TTC28: variants seen among roughly 807,000 people sequenced by gnomAD.
TTC28 encodes the protein tetratricopeptide repeat protein 28.
Under a neutral mutation model 198.0 loss-of-function variants are expected in TTC28, and 61 were observed. The ratio of observed to expected loss-of-function variants is 0.31; its 90% CI spans 0.25 to 0.38. TTC28 has a LOEUF of 0.38. Ranked by LOEUF, TTC28 falls within the 10% of genes least tolerant of loss-of-function variation. The probability of loss-of-function intolerance (pLI) is 1.00; values close to 1 mark genes in which losing one functional copy is unlikely to be tolerated. For synonymous variants in TTC28, 1,171 were observed against 1,297.8 expected (o/e 0.90, Z 2.10); for missense variants, 2,678 against 3,164.0 (o/e 0.85, Z 3.69).
chr22:28,603,433 G>GC (rs2050675846), intron 2 of TTC28, among the ~76,000 whole-genome samples: 1 of 151,560 alleles, frequency 6.6e-6, no homozygotes, highest in Admixed American at 6.6e-5. Context: ...TGTAGCCCAA[G>GC]CCAGAGTGCA....
At chr22:28,568,131 T>C (rs2050008837) in intron 2 of TTC28, among the ~76,000 whole-genome samples, 1 of 152,170 alleles carries the variant, frequency 6.6e-6, no homozygotes. Context: ...GTAATACTAA[T>C]ATAAACAATT....
intron 5 of TTC28, among the ~76,000 whole-genome samples, chr22:28,206,798 A>G (rs183195649): frequency 1.2e-4 from 19 of 152,300 alleles, no homozygotes; most frequent in Admixed American, 1.2e-3. Flanking sequence ...TCTAGCTGCC[A>G]TCCTCATTAG....
chr22:28,557,646 CT>C (rs2049806841), intron 2 of TTC28, among the ~76,000 whole-genome samples: 1 of 152,052 alleles, frequency 6.6e-6, no homozygotes, highest in Non-Finnish European at 1.5e-5. Context: ...ATCTTAAGTT[CT>C]TGGGGTCTGT....
chr22:28,527,913 G>A (rs528582965), intron 2 of TTC28, among the ~76,000 whole-genome samples: 101 of 152,126 alleles, frequency 6.6e-4, no homozygotes, highest in Non-Finnish European at 1.3e-3. Context: ...GGCATGAGCC[G>A]CCACCACCAT....
intron 1 of TTC28, among the ~76,000 whole-genome samples, chr22:28,633,480 A>C (rs781675900): frequency 2.9e-4 from 44 of 152,072 alleles, no homozygotes; most frequent in Middle Eastern, 6.8e-3. Context: ...AAGACAAAAA[A>C]TAGCTGAGTG....
intron 1 of TTC28, among the ~76,000 whole-genome samples, chr22:28,644,732 A>C (rs1007866989): frequency 8.6e-5 from 13 of 151,866 alleles, no homozygotes; most frequent in African/African-American, 3.1e-4. Context: ...CTGAGGTGGG[A>C]GGATTGCCTG....
chr22:28,078,160 A>G (rs1941227002), intron 12 of TTC28, among the ~76,000 whole-genome samples: 1 of 152,222 alleles, frequency 6.6e-6, no homozygotes, highest in Non-Finnish European at 1.5e-5. Flanking sequence ...CCATTTTCAG[A>G]AACTCCTTTG....
At chr22:28,028,990 G>C in intron 13 of TTC28, 1 of 471,130 alleles carries the variant, frequency 2.1e-6, no homozygotes, top group South Asian at 1.5e-5. Flanking sequence ...TCACACTCTA[G>C]TTTATCACCA....
intron 2 of TTC28, among the ~76,000 whole-genome samples, chr22:28,488,817 C>T (rs1296494246): frequency 6.6e-6 from 1 of 152,122 alleles, no homozygotes; most frequent in Non-Finnish European, 1.5e-5. Flanking sequence ...TTACGATTCT[C>T]ACAGATTAAG....
At chr22:28,590,949 T>C (rs1243666951) in intron 2 of TTC28, among the ~76,000 whole-genome samples, 1 of 144,216 alleles carries the variant, frequency 6.9e-6, no homozygotes, top group Non-Finnish European at 1.5e-5. Context: ...GAGGTTGCAG[T>C]GAGCCAAGAT....
intron 2 of TTC28, among the ~76,000 whole-genome samples, chr22:28,375,763 T>A (rs2046399953): frequency 6.6e-6 from 1 of 152,144 alleles, no homozygotes; most frequent in Non-Finnish European, 1.5e-5. Context: ...CTGCCCTCAA[T>A]GTGGGTGAAC....
At chr22:28,639,858 A>T (rs982461423) in intron 1 of TTC28, among the ~76,000 whole-genome samples, 1 of 152,218 alleles carries the variant, frequency 6.6e-6, no homozygotes, top group African/African-American at 2.4e-5. Context: ...TGATAAGAGA[A>T]AATTTCACCA....
Position 28,322,800 on chromosome 22 carries a change from C to A in TTC28, c.382-16157G>T, listed in dbSNP as rs140288312. Among the ~76,000 whole-genome samples, 4 of 152,326 alleles carry A rather than the reference C, an allele frequency of 2.6e-5. No individual in the cohort carries two copies. The East Asian group carries it at 7.7e-4, about 29-fold the overall frequency. ...AATGCCCAGAATGAGTCTTACAGGG[C>A]TCTAACATCAAGGCATCCATAGGGC... On this transcript the variant is annotated intron_variant, in intron 2 of 22. Coordinates refer to ENST00000397906, the MANE Select transcript of TTC28 (RefSeq NM_001145418.2).
At chr22:28,544,415 C>T (rs530070310) in intron 2 of TTC28, among the ~76,000 whole-genome samples, 1 of 152,246 alleles carries the variant, frequency 6.6e-6, no homozygotes, top group Admixed American at 6.5e-5. Context: ...TACTTTTTAA[C>T]AAGTCTCATC....
intron 2 of TTC28, among the ~76,000 whole-genome samples, chr22:28,314,923 G>A (rs926345084): frequency 2.6e-5 from 4 of 152,152 alleles, no homozygotes; most frequent in African/African-American, 9.7e-5. Context: ...GCTGTGTACT[G>A]GGGACTATCT....
At chr22:28,466,046 T>TA (rs1370969433) in intron 2 of TTC28, among the ~76,000 whole-genome samples, 4 of 152,232 alleles carry the variant, frequency 2.6e-5, no homozygotes, top group Non-Finnish European at 4.4e-5. Context: ...ATGTAGCCTT[T>TA]ATTCTGTGTG....
At chr22:28,374,472 C>A (rs1446444303) in intron 2 of TTC28, among the ~76,000 whole-genome samples, 2 of 151,966 alleles carry the variant, frequency 1.3e-5, no homozygotes, top group Non-Finnish European at 2.9e-5. Context: ...AATGTAGACA[C>A]AAATAAAATA....
chr22:27,983,494 C>A lies in TTC28; in HGVS notation c.6173G>T (p.Gly2058Val). Residue 2058 changes from glycine to valine, a missense_variant, in exon 23 of 23, where the codon GGG (glycine) becomes GTG (valine). Coordinates refer to ENST00000397906, the MANE Select transcript of TTC28 (RefSeq NM_001145418.2). The part of the protein sequence containing the change: ...AGNKDEEEYE[G>V]FSIISNEPLA... ...GGGCTCGTTACTGATGATAGAAAACCCTTCATATTCTTCTTCATCTTTGTT... is the reference window on the plus strand; with the variant it reads ...GGGCTCGTTACTGATGATAGAAAACACTTCATATTCTTCTTCATCTTTGTT... 1.3e-6 allele frequency: 2 copies of A among 1,541,396 alleles called. No individual in the cohort carries two copies. The highest frequency in any genetic ancestry group is 4.1e-5 in the Admixed American group (2 of 48,494).
At chr22:28,052,480 T>C (rs957719258) in intron 12 of TTC28, among the ~76,000 whole-genome samples, 4 of 152,194 alleles carry the variant, frequency 2.6e-5, no homozygotes, top group African/African-American at 9.7e-5. Context: ...GGCTTTATAG[T>C]TAATACATCT....
Sources: allele counts gnomAD v4.1 joint callset (sites outside exome capture counted in the v4.1 genomes callset), GRCh38; gene constraint gnomAD v4.1.1; transcripts MANE v1.5; gene names NCBI Gene and HGNC (gene_info 2026-07-23, HGNC 2026-07-21).